Variants in ENPP6 observed in about 807,000 individuals in gnomAD.
The protein encoded by ENPP6 is ectonucleotide pyrophosphatase/phosphodiesterase 6.
A neutral mutation model predicts 42.0 loss-of-function variants in ENPP6; 32 were observed. That is an observed-to-expected ratio of 0.76 (90% CI 0.58 to 1.02). ENPP6 has a LOEUF of 1.02. ENPP6 is among the 50% of genes least tolerant of loss of function. ENPP6 has a pLI of 0.00. For missense variants in ENPP6, 552 were observed against 566.8 expected, an observed-to-expected ratio of 0.97 and a Z score of 0.27; for synonymous variants, 213 against 216.0, an observed-to-expected ratio of 0.99 and a Z score of 0.12.
intron 6 of ENPP6, 24 bp from the exon 7 acceptor site, chr4:184,097,392 A>C (rs775057908): frequency 1.2e-6 from 2 of 1,613,368 alleles, no homozygotes; most frequent in Admixed American, 3.3e-5. Flanking sequence ...AGGCAGACAC[A>C]TGACACTACG....
At chr4:184,196,586 T>C (rs545066780) in intron 1 of ENPP6, among the ~76,000 whole-genome samples, 4 of 152,314 alleles carry the variant, frequency 2.6e-5, no homozygotes, top group Admixed American at 2.0e-4. Context: ...AATGTTACAA[T>C]CTACATGTCA....
At chr4:184,097,008 C>T (rs1484676892) in intron 7 of ENPP6, among the ~76,000 whole-genome samples, 1 of 152,218 alleles carries the variant, frequency 6.6e-6, no homozygotes, top group African/African-American at 2.4e-5. Context: ...TTCTTCACTG[C>T]ACTCAGGATT....
At chr4:184,158,777 G>A (rs940601002) in intron 1 of ENPP6, among the ~76,000 whole-genome samples, 1 of 152,140 alleles carries the variant, frequency 6.6e-6, no homozygotes, top group African/African-American at 2.4e-5. Flanking sequence ...TTAATGTGAA[G>A]TTTTTGCTGG....
intron 1 of ENPP6, among the ~76,000 whole-genome samples, chr4:184,164,625 TTTCTGAC>T (rs1322200983): frequency 6.6e-6 from 1 of 152,172 alleles, no homozygotes; most frequent in African/African-American, 2.4e-5. Context: ...CACACCTTAA[TTTCTGAC>T]TTCTGACCTC....
intron 6 of ENPP6, among the ~76,000 whole-genome samples, chr4:184,111,526 T>C (rs1170738730): frequency 6.6e-6 from 1 of 152,118 alleles, no homozygotes; most frequent in Non-Finnish European, 1.5e-5. Flanking sequence ...TGAGAAGCAT[T>C]TTGGATTGTA....
chr4:184,215,147 A>C (rs1733177876), intron 1 of ENPP6, among the ~76,000 whole-genome samples: 1 of 152,190 alleles, frequency 6.6e-6, no homozygotes, highest in Non-Finnish European at 1.5e-5. Flanking sequence ...AAGGGCCAGC[A>C]TTCTTTCCAA....
intron 1 of ENPP6, among the ~76,000 whole-genome samples, chr4:184,169,133 GA>G (rs1351412829): frequency 6.6e-6 from 1 of 152,166 alleles, no homozygotes; most frequent in Non-Finnish European, 1.5e-5. Context: ...CTCCAAAGGC[GA>G]AATTCCTCCT....
chr4:184,129,218 A>C (rs1204326389), intron 2 of ENPP6, among the ~76,000 whole-genome samples: 1 of 151,866 alleles, frequency 6.6e-6, no homozygotes. Context: ...CTTCTATTGG[A>C]AAGTTTTGAA....
chr4:184,166,423 C>T (rs371077725), intron 1 of ENPP6, among the ~76,000 whole-genome samples: 71 of 152,238 alleles, frequency 4.7e-4, no homozygotes, highest in African/African-American at 1.6e-3. Context: ...TTCTGCAGCG[C>T]CTGCCAGCTT....
chr4:184,137,453 C>A (rs111407099), intron 2 of ENPP6, among the ~76,000 whole-genome samples: 1,552 of 152,158 alleles, frequency 0.01, 22 homozygotes, highest in South Asian at 0.04. Context: ...TTCAGTCAGG[C>A]CTTGTTTTCT....
intron 1 of ENPP6, among the ~76,000 whole-genome samples, chr4:184,157,772 T>C (rs2111081548): frequency 1.5e-5 from 1 of 67,634 alleles, no homozygotes; most frequent in South Asian, 6.9e-4. Flanking sequence ...CAAACTTGGC[T>C]AATTTTTTTT....
intron 1 of ENPP6, among the ~76,000 whole-genome samples, chr4:184,177,224 C>A (rs573578309): frequency 6.6e-6 from 1 of 152,206 alleles, no homozygotes; most frequent in Non-Finnish European, 1.5e-5. Context: ...CTCCCCACAG[C>A]GCAGCACAGT....
intron 2 of ENPP6, among the ~76,000 whole-genome samples, chr4:184,149,462 C>T (rs1736986379): frequency 6.6e-6 from 1 of 152,242 alleles, no homozygotes. Flanking sequence ...CCCCACTCAG[C>T]CCACTGCTGG....
At chr4:184,183,922 C>T (rs1732593170) in intron 1 of ENPP6, among the ~76,000 whole-genome samples, 2 of 152,332 alleles carry the variant, frequency 1.3e-5, no homozygotes, top group Admixed American at 6.5e-5. Context: ...CTAGCCCTGG[C>T]CCATGGATGC....
intron 1 of ENPP6, among the ~76,000 whole-genome samples, chr4:184,176,776 A>G (rs1335725566): frequency 6.6e-6 from 1 of 152,216 alleles, no homozygotes; most frequent in Non-Finnish European, 1.5e-5. Flanking sequence ...AGCATAAGAG[A>G]GAACTATCAG....
intron 3 of ENPP6, among the ~76,000 whole-genome samples, chr4:184,120,633 T>C (rs1024307886): frequency 4.6e-5 from 7 of 152,100 alleles, no homozygotes; most frequent in Non-Finnish European, 8.8e-5. Context: ...TCCAGAAGGA[T>C]GGGAGTAAGT....
chr4:184,199,137 G>A (rs529480950), intron 1 of ENPP6, among the ~76,000 whole-genome samples: 24 of 152,346 alleles, frequency 1.6e-4, no homozygotes, highest in African/African-American at 5.8e-4. Context: ...TGCTTGGAAC[G>A]TCTCAGGCTA....
At chr4:184,208,921 C>T (rs1455858411) in intron 1 of ENPP6, among the ~76,000 whole-genome samples, 1 of 143,908 alleles carries the variant, frequency 6.9e-6, no homozygotes, top group Non-Finnish European at 1.5e-5. Flanking sequence ...CAAGTGGGTC[C>T]CTGACCCCTG....
chr4:184,091,759 C>T (rs1735806389), intron 7 of ENPP6, among the ~76,000 whole-genome samples: 2 of 152,094 alleles, frequency 1.3e-5, no homozygotes, highest in Admixed American at 6.5e-5. Flanking sequence ...ATTTTTTAAA[C>T]CAGGCATGGT....
Sources: gnomAD v4.1 joint callset for allele counts (sites outside exome capture counted in the v4.1 genomes callset) on GRCh38, gnomAD v4.1.1 for gene constraint, MANE v1.5 for transcripts, NCBI Gene and HGNC (gene_info 2026-07-23, HGNC 2026-07-21) for gene names.